The following SNRPB variants were observed in gnomAD, a reference collection of about 807,000 sequenced individuals.
The protein encoded by SNRPB is small nuclear ribonucleoprotein-associated proteins B and B'.
Under a neutral mutation model 26.6 loss-of-function variants are expected in SNRPB, and 5 were observed. That is an observed-to-expected ratio of 0.19 (90% CI 0.10 to 0.39). The LOEUF is 0.39. SNRPB is among the 10% of genes least tolerant of loss of function. The probability of loss-of-function intolerance (pLI) is 1.00; values close to 1 mark genes in which losing one functional copy is unlikely to be tolerated. For missense variants in SNRPB, 211 were observed against 311.9 expected, an observed-to-expected ratio of 0.68 and a Z score of 2.44; for synonymous variants, 122 against 105.8, an observed-to-expected ratio of 1.15 and a Z score of -0.94.
intron 2 of SNRPB, chr20:2,467,112 T>C (rs144785337): frequency 7.4e-4 from 229 of 310,310 alleles, no homozygotes; most frequent in African/African-American, 5.0e-3. Context: ...TGTAGCAAAG[T>C]AGACAATATC....
At chr20:2,467,423 G>A (rs2085081226) in intron 2 of SNRPB, 184 bp downstream of exon 2, 9 of 654,772 alleles carry the variant, frequency 1.4e-5, no homozygotes, top group Admixed American at 2.6e-5. Flanking sequence ...CTAGACTAGA[G>A]AGCAAGGTTT....
Position 2,463,984 on chromosome 20 carries a change from T to C in SNRPB, c.268-85A>G, listed in dbSNP as rs1370776270. 3.5e-6 allele frequency: 4 copies of C among 1,139,582 alleles called. No individual in the cohort carries two copies. The South Asian group carries it at 5.1e-5, about 14-fold the overall frequency. 70.6% of individuals were successfully genotyped at this position (1,139,582 alleles called of 1,614,324 possible). ...GGAATATCATTGCCAAGAGAGCCCC[T>C]CGAAATAGCTTATAAATACTATCGA... On this transcript the variant is annotated intron_variant, in intron 3 of 6. Coordinates refer to ENST00000381342, the MANE Select transcript of SNRPB (RefSeq NM_003091.4). The surrounding 1 kb of genome is among the most constrained non-coding windows in gnomAD (Gnocchi z 5.0).
At chr20:2,468,856 G>A (rs3761242) in intron 1 of SNRPB, among the ~76,000 whole-genome samples, 25,641 of 152,156 alleles carry the variant, frequency 0.17, 2,428 homozygotes, top group East Asian at 0.27. Context: ...AACCTGGGAG[G>A]TGGAGGCTGC....
At chr20:2,468,879 T>A (rs1286711360) in intron 1 of SNRPB, among the ~76,000 whole-genome samples, 1 of 152,086 alleles carries the variant, frequency 6.6e-6, no homozygotes, top group Non-Finnish European at 1.5e-5. Flanking sequence ...TGAACTGAGA[T>A]CATGCCACTG....
Position 2,463,103 on chromosome 20 carries a change from C to A in SNRPB, c.545G>T (p.Gly182Val). Residue 182 changes from glycine (G) to valine (V), a missense_variant, in exon 5 of 7, where the codon GGA (glycine) becomes GTA (valine). Physicochemically the swap from Gly to Val is moderately radical, Grantham distance 109 (BLOSUM62 -3). Coordinates refer to ENST00000381342, the MANE Select transcript of SNRPB (RefSeq NM_003091.4). The surrounding 1 kb of genome is among the most constrained non-coding windows in gnomAD (Gnocchi z 5.0). ...GGGCTCCTCACCTGGAGGGGGTGCT[C>A]CTCGGCCCATAGGTGGGGGAGGACC... ...RGGPPPPMGRGAPPPGMMGPP... is the reference protein window; with the variant it reads ...RGGPPPPMGRVAPPPGMMGPP... The A allele has an allele frequency of 6.3e-7, 1 of 1,580,364 alleles. No individual in the cohort carries two copies. The highest frequency in any genetic ancestry group is 1.2e-5 in the South Asian group (1 of 85,998).
chr20:2,467,168 C>G (rs981765010), intron 2 of SNRPB: 9 of 390,838 alleles, frequency 2.3e-5, no homozygotes, highest in Non-Finnish European at 4.5e-5. Flanking sequence ...GGCCCCAAAC[C>G]CACATGGGGA....
chr20:2,463,129 C>T lies in SNRPB; in HGVS notation c.519G>A (p.Gly173=). Residue 173 remains glycine (G), a synonymous_variant, in exon 5 of 7, where the codon GGG becomes GGA. Coordinates refer to ENST00000381342, the MANE Select transcript of SNRPB (RefSeq NM_003091.4). The surrounding 1 kb of genome is among the most constrained non-coding windows in gnomAD (Gnocchi z 5.0). The part of the protein sequence containing the change: ...GAPTQYPPGR[G]GPPPPMGRGA... ...CTCGGCCCATAGGTGGGGGAGGACC[C>T]CCACGGCCAGGTGGGTACTGGGTTG... is the stretch of plus-strand genomic sequence containing the variant. 1.2e-6 allele frequency: 2 copies of T among 1,605,952 alleles called. No homozygotes were observed. The highest frequency in any genetic ancestry group is 1.1e-5 in the South Asian group (1 of 90,114).
rs1013508227 is a variant in SNRPB at position 2,470,571 on chromosome 20, C to T, written c.3+117G>A. The T allele has an allele frequency of 6.8e-6, 9 of 1,314,258 alleles. No individual in the cohort carries two copies. The African/African-American group carries it at 1.0e-4, about 15-fold the overall frequency. 81.4% of individuals were successfully genotyped at this position (1,314,258 alleles called of 1,614,324 possible). A position where few individuals can be genotyped will look rare whatever the true frequency, so the allele number is the denominator to read the frequency against. ...TCCCGCCCAGACCGAGCGGCCTCGG[C>T]CCAGGCCTTCACCGCCCTAAGTGGC... On this transcript the variant is annotated intron_variant, in intron 1 of 6. Transcript: ENST00000381342.
chr20:2,468,504 A>G (rs192796243), intron 1 of SNRPB, among the ~76,000 whole-genome samples: 24 of 152,366 alleles, frequency 1.6e-4, no homozygotes, highest in African/African-American at 5.8e-4. Context: ...TTTGATCTGT[A>G]TATCATCCTC....
chr20:2,470,732 C>G lies in SNRPB; in HGVS notation c.-42G>C. 1 of 1,610,636 alleles carries G rather than the reference C, an allele frequency of 6.2e-7. No individual in the cohort carries two copies. The highest frequency in any genetic ancestry group is 1.3e-5 in the African/African-American group (1 of 75,046). On this transcript the variant is annotated 5_prime_UTR_variant, in exon 1 of 7. Transcript: ENST00000381342. Reference sequence around the variant, plus strand: ...GCTCTGATACCCGCCGGATTCGCCTCCTCAGAGGCCTAGCCTCTCTCCCAC... The same window carrying G: ...GCTCTGATACCCGCCGGATTCGCCTGCTCAGAGGCCTAGCCTCTCTCCCAC...
chr20:2,469,648 G>C (rs1294021979), intron 1 of SNRPB, among the ~76,000 whole-genome samples: 1 of 151,990 alleles, frequency 6.6e-6, no homozygotes, highest in East Asian at 1.9e-4. Flanking sequence ...AACCCTGATC[G>C]ATCCACCGCA....
At chr20:2,469,163 T>TATC (rs2085095261) in intron 1 of SNRPB, among the ~76,000 whole-genome samples, 2 of 152,166 alleles carry the variant, frequency 1.3e-5, no homozygotes, top group African/African-American at 4.8e-5. Flanking sequence ...GGCCCATTAT[T>TATC]ATCCCTATTT....
At chr20:2,470,405 T>A (rs2085106011) in intron 1 of SNRPB, among the ~76,000 whole-genome samples, 1 of 152,250 alleles carries the variant, frequency 6.6e-6, no homozygotes, top group Non-Finnish European at 1.5e-5. Flanking sequence ...TAGTGCCTAC[T>A]GGGTCCCAGG....
rs1405343865 is a variant in SNRPB at position 2,469,302 on chromosome 20, A to G, written c.3+1386T>C. On this transcript the variant is annotated intron_variant, in intron 1 of 6. Coordinates refer to ENST00000381342, the MANE Select transcript of SNRPB (RefSeq NM_003091.4). Reference sequence around the variant, plus strand: ...TAACCAGTTATCCAAACAATATCCTACCAGGTTTCCCTGCTTCCAGTCCCA... The same window carrying G: ...TAACCAGTTATCCAAACAATATCCTGCCAGGTTTCCCTGCTTCCAGTCCCA... 2.0e-5 allele frequency among the ~76,000 whole-genome samples: 3 copies of G among 152,190 alleles called. No individual in the cohort carries two copies. The East Asian group carries it at 5.8e-4, about 29-fold the overall frequency.
At chr20:2,462,483 TAAG>T in intron 6 of SNRPB, 150 bp downstream of exon 6, 1 of 782,966 alleles carries the variant, frequency 1.3e-6, no homozygotes. Flanking sequence ...AAGCCCAATT[TAAG>T]AAATGTTCCC....
rs2085035916 is a variant in SNRPB at position 2,461,861 on chromosome 20, G to A, written c.*68C>T. ...CAGCATAAGAAACAAACAGGTCTGT[G>A]GTAACGTGGCCCTGAGGAATCGAGC... is the stretch of plus-strand genomic sequence containing the variant. On this transcript the variant is annotated 3_prime_UTR_variant, in exon 7 of 7. Coordinates refer to ENST00000381342, the MANE Select transcript of SNRPB (RefSeq NM_003091.4). 6.2e-7 allele frequency: 1 copy of A among 1,613,708 alleles called. No homozygotes were observed. Among genetic ancestry groups the A allele is most frequent in the Non-Finnish European group, 8.5e-7 (1 of 1,179,756 alleles).
intron 6 of SNRPB, among the ~76,000 whole-genome samples, chr20:2,462,198 T>A (rs2085039349): frequency 6.6e-6 from 1 of 151,928 alleles, no homozygotes; most frequent in Non-Finnish European, 1.5e-5. Flanking sequence ...GGGCTTGGAG[T>A]CCAAACTCCC....
At chr20:2,467,433 TG>T in intron 2 of SNRPB, 173 bp downstream of exon 2, 1 of 659,124 alleles carries the variant, frequency 1.5e-6, no homozygotes, top group Non-Finnish European at 2.7e-6. Context: ...GAGCAAGGTT[TG>T]CTGGACTCAA....
rs1481845445 is a variant in SNRPB at position 2,461,706 on chromosome 20, G to C, written c.*223C>G. The stretch of plus-strand genomic sequence containing the variant: ...GGCCACAAGGAGATAAAAGGACTAT[G>C]TACAGCCTTACGGGAAACAGGCAGG... On this transcript the variant is annotated 3_prime_UTR_variant, in exon 7 of 7. Coordinates refer to ENST00000381342, the MANE Select transcript of SNRPB (RefSeq NM_003091.4). The C allele has an allele frequency of 7.3e-7, 1 of 1,369,036 alleles. No homozygotes were observed. Among genetic ancestry groups the C allele is most frequent in the African/African-American group, 1.5e-5 (1 of 68,902 alleles). The allele number at this position is 1,369,036 out of a possible 1,614,324, so 84.8% of individuals were successfully genotyped here.
Sources: allele counts gnomAD v4.1 joint callset (sites outside exome capture counted in the v4.1 genomes callset), GRCh38; gene constraint gnomAD v4.1.1; non-coding constraint Gnocchi (gnomAD v3.1); transcripts MANE v1.5; gene names NCBI Gene and HGNC (gene_info 2026-07-23, HGNC 2026-07-21).